Variants in CAST observed in about 807,000 individuals in gnomAD.
The protein encoded by CAST is calpastatin, also known as MIR583 host.
Under a neutral mutation model 119.6 loss-of-function variants are expected in CAST, and 76 were observed. That is an observed-to-expected ratio of 0.64 (90% CI 0.53 to 0.77). CAST has a LOEUF of 0.77. Ranked by LOEUF, CAST falls within the 30% of genes least tolerant of loss-of-function variation. The probability of loss-of-function intolerance (pLI) is 0.00; values close to 1 mark genes in which losing one functional copy is unlikely to be tolerated. For synonymous variants in CAST, 319 were observed against 331.6 expected, an observed-to-expected ratio of 0.96 and a Z score of 0.41; for missense variants, 953 against 946.5, an observed-to-expected ratio of 1.01 and a Z score of -0.09.
the CAST span, among the ~76,000 whole-genome samples, chr5:96,448,136 C>G: frequency 6.6e-6 from 1 of 152,196 alleles, no homozygotes; most frequent in Admixed American, 6.5e-5. Context: ...CAAAGAAAGG[C>G]ATTTTGAAAG....
At chr5:96,475,033 C>T in the CAST span, among the ~76,000 whole-genome samples, 1 of 152,190 alleles carries the variant, frequency 6.6e-6, no homozygotes, top group African/African-American at 2.4e-5. Flanking sequence ...AGGGCCTCTC[C>T]TGTTCTCTTG....
the CAST span, among the ~76,000 whole-genome samples, chr5:96,517,071 T>C: frequency 1.3e-5 from 2 of 152,220 alleles, no homozygotes. Context: ...CTTGGAATGG[T>C]TGGATTTCTT....
chr5:96,363,018 G>A, the CAST span, among the ~76,000 whole-genome samples: 3 of 150,858 alleles, frequency 2.0e-5, no homozygotes, highest in Non-Finnish European at 3.0e-5. Flanking sequence ...TGTATAAGGT[G>A]TAAGGAAGGG....
chr5:95,978,297 C>A, the CAST span, among the ~76,000 whole-genome samples: 1 of 152,174 alleles, frequency 6.6e-6, no homozygotes, highest in African/African-American at 2.4e-5. Context: ...TCTCTGCAAC[C>A]TCCCCAGCAT....
At chr5:96,296,912 TG>T in the CAST span, among the ~76,000 whole-genome samples, 81 of 152,344 alleles carry the variant, frequency 5.3e-4, 1 homozygote, top group East Asian at 4.6e-3. Context: ...ACTACCCTCT[TG>T]GGCCCTAACT....
At chr5:96,040,750 G>A in the CAST span, among the ~76,000 whole-genome samples, 7 of 152,234 alleles carry the variant, frequency 4.6e-5, no homozygotes, top group East Asian at 5.8e-4. Flanking sequence ...ATAAGATTTT[G>A]ATGTGCTTCT....
the CAST span, among the ~76,000 whole-genome samples, chr5:96,340,154 T>G: frequency 6.6e-6 from 1 of 152,236 alleles, no homozygotes; most frequent in Admixed American, 6.5e-5. Context: ...GGTTATATTT[T>G]GCAGCATCTA....
the CAST span, among the ~76,000 whole-genome samples, chr5:96,440,754 C>T: frequency 6.6e-6 from 1 of 152,162 alleles, no homozygotes; most frequent in African/African-American, 2.4e-5. Flanking sequence ...GAAAGTATTT[C>T]ATGGGTGCAA....
chr5:96,657,434 A>G (rs925587009), upstream of CAST, among the ~76,000 whole-genome samples: 3 of 152,210 alleles, frequency 2.0e-5, no homozygotes, highest in Non-Finnish European at 4.4e-5. Context: ...AGGCCTGGGA[A>G]AATTTAGATG....
chr5:96,135,036 G>T, the CAST span, among the ~76,000 whole-genome samples: 1 of 152,168 alleles, frequency 6.6e-6, no homozygotes, highest in Non-Finnish European at 1.5e-5. Flanking sequence ...GCAGGAGAAA[G>T]CTTGGCACTT....
At chr5:96,537,290 A>G (rs1322317509) in intron 1 of CAST, among the ~76,000 whole-genome samples, 1 of 152,364 alleles carries the variant, frequency 6.6e-6, no homozygotes, top group East Asian at 1.9e-4. Context: ...ACCAAAAGAT[A>G]TAAAACCAGT....
chr5:96,042,969 C>A, the CAST span, among the ~76,000 whole-genome samples: 1 of 151,904 alleles, frequency 6.6e-6, no homozygotes, highest in African/African-American at 2.4e-5. Context: ...GTCAAATAAA[C>A]CAGAAGCCCA....
At chr5:96,747,877 G>A (rs927735795) in intron 18 of CAST, among the ~76,000 whole-genome samples, 2 of 152,150 alleles carry the variant, frequency 1.3e-5, no homozygotes, top group African/African-American at 4.8e-5. Flanking sequence ...ATTTTACAGT[G>A]AGGAAATTGA....
intron 1 of CAST, among the ~76,000 whole-genome samples, chr5:96,621,969 C>CTTTTT (rs35728460): frequency 1.5e-4 from 17 of 113,702 alleles, no homozygotes; most frequent in African/African-American, 3.8e-4. Context: ...CTTTTTTTCT[C>CTTTTT]TTTTTTTTTT....
chr5:96,055,558 CCATT>C, the CAST span, among the ~76,000 whole-genome samples: 1 of 152,012 alleles, frequency 6.6e-6, no homozygotes, highest in Admixed American at 6.6e-5. Context: ...CATTTTGTTG[CCATT>C]CAAAGTATAC....
At chr5:95,971,225 C>G in the CAST span, among the ~76,000 whole-genome samples, 3 of 152,134 alleles carry the variant, frequency 2.0e-5, no homozygotes, top group African/African-American at 7.2e-5. Context: ...GTTCCTGAAT[C>G]TCTTTTTTAA....
chr5:96,461,228 A>G, the CAST span, among the ~76,000 whole-genome samples: 14 of 152,126 alleles, frequency 9.2e-5, no homozygotes, highest in African/African-American at 3.4e-4. Context: ...TGTCCATTTT[A>G]TGGATATCTC....
the CAST span, among the ~76,000 whole-genome samples, chr5:96,377,038 G>C: frequency 6.6e-6 from 1 of 151,914 alleles, no homozygotes; most frequent in Non-Finnish European, 1.5e-5. Context: ...AAATAAAATA[G>C]ATAAAAATTT....
chr5:95,975,212 T>G, the CAST span, among the ~76,000 whole-genome samples: 8 of 152,166 alleles, frequency 5.3e-5, no homozygotes, highest in African/African-American at 1.7e-4. Flanking sequence ...CTATAGCCAA[T>G]TAGGTAGTGC....
Sources: gnomAD v4.1 joint callset for allele counts (sites outside exome capture counted in the v4.1 genomes callset) on GRCh38, gnomAD v4.1.1 for gene constraint, MANE v1.5 for transcripts, NCBI Gene and HGNC (gene_info 2026-07-23, HGNC 2026-07-21) for gene names.